Variants in ADGRA3 observed in about 807,000 individuals in gnomAD.
ADGRA3 encodes adhesion G protein-coupled receptor A3.
ADGRA3 carries 56 observed loss-of-function variants against 119.8 expected under a neutral mutation model. That is an observed-to-expected ratio of 0.47 (90% confidence interval 0.38 to 0.58). The LOEUF (loss-of-function observed/expected upper bound fraction) is 0.58. ADGRA3 is among the 20% of genes least tolerant of loss of function. ADGRA3 has a pLI of 0.00. For missense variants in ADGRA3, 1,516 were observed against 1,649.0 expected, an observed-to-expected ratio of 0.92 and a Z score of 1.40; for synonymous variants, 607 against 623.8, an observed-to-expected ratio of 0.97 and a Z score of 0.40.
intron 12 of ADGRA3, among the ~76,000 whole-genome samples, chr4:22,417,167 A>G (rs1715461643): frequency 6.6e-6 from 1 of 152,232 alleles, no homozygotes; most frequent in East Asian, 1.9e-4. Context: ...TGAGTTTCTC[A>G]CTGAAGATTA....
intron 1 of ADGRA3, among the ~76,000 whole-genome samples, chr4:22,510,719 C>A (rs969079115): frequency 3.9e-5 from 6 of 152,186 alleles, no homozygotes; most frequent in Non-Finnish European, 8.8e-5. Flanking sequence ...CAATCCTTCC[C>A]TTCCTTTAGG....
intron 1 of ADGRA3, among the ~76,000 whole-genome samples, chr4:22,512,160 CA>C (rs1430900744): frequency 2.4e-4 from 37 of 151,996 alleles, no homozygotes; most frequent in African/African-American, 8.9e-4. Flanking sequence ...CTCAACCTCC[CA>C]AAGTACTGCG....
At chr4:22,390,237 C>A (rs1019301692) in intron 17 of ADGRA3, among the ~76,000 whole-genome samples, 33 of 150,382 alleles carry the variant, frequency 2.2e-4, no homozygotes, top group African/African-American at 7.1e-4. Context: ...ACGCCCCCTA[C>A]CCCCGTTCTT....
chr4:22,435,202 T>G (rs970334229), intron 10 of ADGRA3, 109 bp downstream of exon 10: 2 of 935,250 alleles, frequency 2.1e-6, no homozygotes, highest in African/African-American at 3.3e-5. Context: ...AAGCATGCTT[T>G]TAGCTCAAAT....
intron 1 of ADGRA3, among the ~76,000 whole-genome samples, chr4:22,477,376 A>T (rs2109127635): frequency 6.6e-6 from 1 of 152,326 alleles, no homozygotes; most frequent in South Asian, 2.1e-4. Context: ...CAAAGAAAAA[A>T]TTAGAGTGAT....
chr4:22,433,198 G>A (rs903145744), intron 10 of ADGRA3, among the ~76,000 whole-genome samples: 8 of 152,060 alleles, frequency 5.3e-5, no homozygotes, highest in Non-Finnish European at 8.8e-5. Context: ...ACTTGCTTCC[G>A]AAGATAACAT....
chr4:22,480,724 T>C (rs763341230), intron 1 of ADGRA3, among the ~76,000 whole-genome samples: 9 of 152,194 alleles, frequency 5.9e-5, no homozygotes, highest in Non-Finnish European at 8.8e-5. Flanking sequence ...TAAAAGCTAA[T>C]TGCTGTATAC....
intron 1 of ADGRA3, among the ~76,000 whole-genome samples, chr4:22,509,582 G>A (rs1483648018): frequency 6.6e-6 from 1 of 151,694 alleles, no homozygotes; most frequent in Non-Finnish European, 1.5e-5. Context: ...CCCGTAGGTA[G>A]GGATAACTAC....
chr4:22,395,127 T>A lies in ADGRA3; in HGVS notation c.2482-2437A>T, dbSNP rs1242547625. 3.3e-5 allele frequency among the ~76,000 whole-genome samples: 5 copies of A among 152,210 alleles called. No individual in the cohort carries two copies. The East Asian group carries it at 9.6e-4, about 29-fold the overall frequency. ...TCATAAGGCATGTAAATAATTACTA[T>A]TATTAACTAATGTTAAATGCAGTAG... is the stretch of plus-strand genomic sequence containing the variant. On this transcript the variant is annotated intron_variant, in intron 16 of 18. Transcript: ENST00000334304.
At chr4:22,504,137 C>T (rs1403661160) in intron 1 of ADGRA3, among the ~76,000 whole-genome samples, 3 of 152,076 alleles carry the variant, frequency 2.0e-5, no homozygotes, top group African/African-American at 7.2e-5. Context: ...CAATTCTACA[C>T]ACCTGCCCCC....
intron 14 of ADGRA3, among the ~76,000 whole-genome samples, chr4:22,411,676 A>G (rs886829000): frequency 2.6e-5 from 4 of 152,218 alleles, no homozygotes. Flanking sequence ...TCATGCTTAC[A>G]GAAATCAAGA....
At chr4:22,501,320 T>C (rs7664692) in intron 1 of ADGRA3, among the ~76,000 whole-genome samples, 9,439 of 135,662 alleles carry the variant, frequency 0.07, 514 homozygotes, top group African/African-American at 0.15. Context: ...TTTTCTGAAA[T>C]CCCATTTTCT....
intron 1 of ADGRA3, among the ~76,000 whole-genome samples, chr4:22,493,726 T>C (rs1209234105): frequency 6.6e-6 from 1 of 152,194 alleles, no homozygotes; most frequent in East Asian, 1.9e-4. Flanking sequence ...CAAGTCCATC[T>C]TGAATAGGAG....
At chr4:22,395,530 C>A (rs1714313672) in intron 16 of ADGRA3, among the ~76,000 whole-genome samples, 1 of 152,138 alleles carries the variant, frequency 6.6e-6, no homozygotes, top group Non-Finnish European at 1.5e-5. Context: ...GAGACTAAGA[C>A]TGAGAGAAGT....
At chr4:22,443,479 A>C (rs779785391) in intron 6 of ADGRA3, among the ~76,000 whole-genome samples, 25 of 152,190 alleles carry the variant, frequency 1.6e-4, no homozygotes, top group Non-Finnish European at 3.7e-4. Flanking sequence ...TAACATGACA[A>C]TTCTACTTTT....
intron 1 of ADGRA3, among the ~76,000 whole-genome samples, chr4:22,494,879 A>G (rs903268800): frequency 5.3e-5 from 8 of 152,008 alleles, no homozygotes; most frequent in Admixed American, 4.6e-4. Flanking sequence ...TGTGGGGCAT[A>G]CTTCCAAGAC....
Position 22,413,624 on chromosome 4 carries a change from G to A in ADGRA3, c.2000C>T (p.Thr667Ile). 1.9e-6 allele frequency: 3 copies of A among 1,613,956 alleles called. No homozygotes were observed. The highest frequency in any genetic ancestry group is 2.5e-6 in the Non-Finnish European group (3 of 1,179,900). ...ACCTATTTTGGTGAGAATCACAGGGGTAACCACAGTACGTCGTTTTCCATC... is the reference window on the plus strand; with the variant it reads ...ACCTATTTTGGTGAGAATCACAGGGATAACCACAGTACGTCGTTTTCCATC... ...ADDGKRRTVV[T>I]PVILTKIDGV... The change falls in exon 13 of 19, where the codon ACC (threonine) becomes ATC (isoleucine). Residue 667 changes from threonine (T) to isoleucine (I), a missense_variant. Thr to Ile is a moderately conservative substitution (Grantham distance 89, BLOSUM62 -1). Transcript: ENST00000334304.
chr4:22,392,443 T>C (rs1714171661), intron 17 of ADGRA3, 102 bp downstream of exon 17: 2 of 1,404,394 alleles, frequency 1.4e-6, no homozygotes, highest in Non-Finnish European at 9.9e-7. Flanking sequence ...TACAAGTCCG[T>C]TCTTTTACTT....
At chr4:22,436,684 C>G in intron 8 of ADGRA3, 43 bp from the exon 9 acceptor site, 1 of 1,508,480 alleles carries the variant, frequency 6.6e-7, no homozygotes, top group Non-Finnish European at 9.2e-7. Flanking sequence ...CTAAATGACA[C>G]GGGTACATCA....
Sources: gnomAD v4.1 joint callset for allele counts (sites outside exome capture counted in the v4.1 genomes callset) on GRCh38, gnomAD v4.1.1 for gene constraint, MANE v1.5 for transcripts, NCBI Gene and HGNC (gene_info 2026-07-23, HGNC 2026-07-21) for gene names.